PRXL2A: variants seen among roughly 807,000 people sequenced by gnomAD.
PRXL2A encodes peroxiredoxin like 2A.
A neutral mutation model predicts 25.6 loss-of-function variants in PRXL2A; 26 were observed. The ratio of observed to expected loss-of-function variants is 1.02; its 90% CI spans 0.74 to 1.41. The LOEUF (loss-of-function observed/expected upper bound fraction) is 1.41, where lower values mean the gene tolerates loss of function less well. Ranked by LOEUF, PRXL2A falls within the 40% of genes most tolerant of loss-of-function variation. The pLI, the probability that PRXL2A is intolerant of heterozygous loss-of-function variation, is 0.00. For synonymous variants in PRXL2A, 98 were observed against 102.9 expected, an observed-to-expected ratio of 0.95 and a Z score of 0.29; for missense variants, 246 against 273.9, an observed-to-expected ratio of 0.90 and a Z score of 0.72.
chr10:80,409,186 C>A, intron 1 of PRXL2A: 2 of 513,596 alleles, frequency 3.9e-6, no homozygotes, highest in Non-Finnish European at 5.0e-6. Flanking sequence ...CCCTCTTTCC[C>A]AAGAGTCACA....
chr10:80,432,151 A>T lies in PRXL2A; in HGVS notation c.*52A>T. The T allele has an allele frequency of 9.2e-7, 1 of 1,090,910 alleles. No homozygotes were observed. The highest frequency in any genetic ancestry group is 1.3e-5 in the South Asian group (1 of 77,516). The allele number at this position is 1,090,910 out of a possible 1,614,324, so 67.6% of individuals were successfully genotyped here. ...TAACCAGGGACATTCACCTGTGTTCATGGGATGTATTGTTTCCACTCGTGT... is the reference window on the plus strand; with the variant it reads ...TAACCAGGGACATTCACCTGTGTTCTTGGGATGTATTGTTTCCACTCGTGT... On this transcript the variant is annotated 3_prime_UTR_variant, in exon 6 of 6. Transcript: ENST00000606162.
At position 80,427,102 on chromosome 10, in the gene PRXL2A, C is replaced by T. The variant is rs143494952; in HGVS notation, c.412-230C>T. On this transcript the variant is annotated intron_variant, in intron 4 of 5. Transcript: ENST00000606162. ...AGATTGTAGTCAGCTGAGATCGCGC[C>T]GTTGTACTCTAGCCTGACTGACAGA... Among the ~76,000 whole-genome samples, 10 of 148,796 alleles carry T rather than the reference C, an allele frequency of 6.7e-5. No homozygotes were observed. The East Asian group carries it at 1.8e-3, about 27-fold the overall frequency.
rs774922306 is a variant in PRXL2A, at chr10:80,425,992, T to C, written c.397T>C (p.Phe133Leu). 9 of 1,614,246 alleles carry C rather than the reference T, an allele frequency of 5.6e-6. No individual in the cohort carries two copies. The highest frequency in any genetic ancestry group is 7.6e-6 in the Non-Finnish European group (9 of 1,180,034). Residue 133 changes from phenylalanine to leucine, a missense_variant, in exon 4 of 6, where the codon TTC becomes CTC. Coordinates refer to ENST00000606162, the MANE Select transcript of PRXL2A (RefSeq NM_032333.5). The stretch of plus-strand genomic sequence containing the variant: ...CCAGCCTTATTTCAAAGGAGAAATC[T>C]TCCTGGATGAAAAGGTGTGTGTGAT... ...DFQPYFKGEI[F>L]LDEKKKFYGP...
intron 1 of PRXL2A, among the ~76,000 whole-genome samples, chr10:80,409,446 TG>T (rs1017348727): frequency 6.6e-6 from 1 of 152,204 alleles, no homozygotes; most frequent in Admixed American, 6.5e-5. Context: ...CTCTTTTCCT[TG>T]CCACATCATG....
rs1845414821 is a variant in PRXL2A, at chr10:80,436,831, G to T, written c.*4732G>T. ...AGAAATGATCTGACCTACCGTGTTT[G>T]ACTGTCGTAAGATACCCATTCCAGA... On this transcript the variant is annotated 3_prime_UTR_variant, in exon 6 of 6. Transcript: ENST00000606162. The T allele has an allele frequency of 6.6e-6, 1 of 150,520 alleles. No individual in the cohort carries two copies. Among genetic ancestry groups the T allele is most frequent in the South Asian group, 2.1e-4 (1 of 4,832 alleles). The allele number at this position is 150,520 out of a possible 1,614,324, so 9.3% of individuals were successfully genotyped here. A position where few individuals can be genotyped will look rare whatever the true frequency, so the allele number is the denominator to read the frequency against.
chr10:80,427,142 C>CA lies in PRXL2A; in HGVS notation c.412-171dup, dbSNP rs767746938. 5.1e-3 allele frequency among the ~76,000 whole-genome samples: 472 copies of CA among 91,852 alleles called. 5 individuals carry two copies. The highest frequency in any genetic ancestry group is 0.042 in the East Asian group (106 of 2,502). 60.3% of individuals were successfully genotyped at this position (91,852 alleles called of 152,430 possible). On this transcript the variant is annotated intron_variant, in intron 4 of 5. Coordinates refer to ENST00000606162, the MANE Select transcript of PRXL2A (RefSeq NM_032333.5). Reference sequence around the variant, plus strand: ...TGACTGACAGAGCAAGACTCCATCTCAAAAAAAAAAAAAAAAAAAGAGTGG... The same window carrying CA: ...TGACTGACAGAGCAAGACTCCATCTCAAAAAAAAAAAAAAAAAAAAGAGTGG...
At chr10:80,413,185 A>G (rs572143076) in intron 1 of PRXL2A, among the ~76,000 whole-genome samples, 4 of 149,850 alleles carry the variant, frequency 2.7e-5, no homozygotes, top group African/African-American at 9.8e-5. Context: ...CAGCAGAGAA[A>G]TCGACTTTAG....
chr10:80,427,268 T>C, intron 4 of PRXL2A, 64 bp from the exon 5 acceptor site: 1 of 1,480,478 alleles, frequency 6.8e-7, no homozygotes, highest in Non-Finnish European at 9.3e-7. Flanking sequence ...TCAGGAGCGT[T>C]TCCTCCTTGA....
At chr10:80,417,183 A>G (rs1844690107) in intron 1 of PRXL2A, among the ~76,000 whole-genome samples, 1 of 152,272 alleles carries the variant, frequency 6.6e-6, no homozygotes, top group Non-Finnish European at 1.5e-5. Context: ...AATTTAAAAG[A>G]CAAATGGTTA....
intron 5 of PRXL2A, among the ~76,000 whole-genome samples, chr10:80,428,668 CAAAA>C (rs894303907): frequency 6.6e-6 from 1 of 151,830 alleles, no homozygotes; most frequent in East Asian, 1.9e-4. Flanking sequence ...GATTCCATCT[CAAAA>C]AAGCAAGTGG....
chr10:80,426,648 C>T (rs1845051311), intron 4 of PRXL2A, among the ~76,000 whole-genome samples: 1 of 152,206 alleles, frequency 6.6e-6, no homozygotes, highest in Non-Finnish European at 1.5e-5. Flanking sequence ...TACAAAGCCC[C>T]ACACCCTGTC....
chr10:80,429,217 A>G (rs1464634255), intron 5 of PRXL2A, among the ~76,000 whole-genome samples: 5 of 152,134 alleles, frequency 3.3e-5, no homozygotes, highest in Non-Finnish European at 7.3e-5. Flanking sequence ...TCGCTTGACT[A>G]TATTAGAATT....
intron 5 of PRXL2A, among the ~76,000 whole-genome samples, chr10:80,427,880 G>T (rs1028191738): frequency 6.6e-6 from 1 of 152,128 alleles, no homozygotes; most frequent in African/African-American, 2.4e-5. Context: ...TGGCACTGCT[G>T]GGGCCTGAAC....
At chr10:80,421,947 T>C (rs1013926427) in intron 2 of PRXL2A, among the ~76,000 whole-genome samples, 1 of 152,240 alleles carries the variant, frequency 6.6e-6, no homozygotes. Context: ...ACTACAGTAC[T>C]GTACTACCCC....
chr10:80,436,561 C>T lies in PRXL2A; in HGVS notation c.*4462C>T, dbSNP rs2131928292. 1 of 152,372 alleles carries T rather than the reference C, an allele frequency of 6.6e-6. No homozygotes were observed. The highest frequency in any genetic ancestry group is 2.4e-5 in the African/African-American group (1 of 41,570). The allele number at this position is 152,372 out of a possible 1,614,324, so 9.4% of individuals were successfully genotyped here. A position where few individuals can be genotyped will look rare whatever the true frequency, so the allele number is the denominator to read the frequency against. ...CTGGAGCCAGGATGCCCCTGATCAT[C>T]TCTGATAACTTTAAAAGGAAGGCCT... On this transcript the variant is annotated 3_prime_UTR_variant, in exon 6 of 6. Transcript: ENST00000606162.
intron 1 of PRXL2A, among the ~76,000 whole-genome samples, chr10:80,417,813 G>A (rs187331827): frequency 6.7e-6 from 1 of 149,350 alleles, no homozygotes; most frequent in African/African-American, 2.5e-5. Flanking sequence ...GGAGTTCTGG[G>A]CTATAGTGAT....
intron 1 of PRXL2A, among the ~76,000 whole-genome samples, chr10:80,415,950 G>A (rs1213823069): frequency 6.6e-6 from 1 of 152,122 alleles, no homozygotes; most frequent in African/African-American, 2.4e-5. Flanking sequence ...ATGTAAACTG[G>A]TCTTTGTATA....
chr10:80,413,796 T>C, intron 1 of PRXL2A: 4 of 1,061,172 alleles, frequency 3.8e-6, no homozygotes, highest in Non-Finnish European at 4.6e-6. Flanking sequence ...AGCCCTCCCC[T>C]TGCCGCCTGC....
chr10:80,425,463 A>G (rs1845009704), intron 3 of PRXL2A, among the ~76,000 whole-genome samples: 1 of 152,246 alleles, frequency 6.6e-6, no homozygotes, highest in Admixed American at 6.5e-5. Context: ...CAAACAGGGA[A>G]GATAGGATAT....
Sources: allele counts gnomAD v4.1 joint callset (sites outside exome capture counted in the v4.1 genomes callset), GRCh38; gene constraint gnomAD v4.1.1; transcripts MANE v1.5; gene names NCBI Gene and HGNC (gene_info 2026-07-23, HGNC 2026-07-21).